The following PCDHA5 variants were observed in gnomAD, a reference collection of about 807,000 sequenced individuals.
The protein encoded by PCDHA5 is protocadherin alpha-5.
Under a neutral mutation model 61.6 loss-of-function variants are expected in PCDHA5, and 43 were observed. That is an observed-to-expected ratio of 0.70 (90% CI 0.55 to 0.90). PCDHA5 has a LOEUF of 0.90. PCDHA5 is among the 40% of genes least tolerant of loss of function. The pLI, the probability that PCDHA5 is intolerant of heterozygous loss-of-function variation, is 0.00. For missense variants in PCDHA5, 1,298 were observed against 1,222.7 expected (o/e 1.06, Z -0.92); for synonymous variants, 627 against 543.9 (o/e 1.15, Z -2.13).
At position 140,876,037 on chromosome 5, in the gene PCDHA5, A is replaced by G. The variant is rs1554168212; in HGVS notation, c.2352+51910A>G. On this transcript the variant is annotated intron_variant, in intron 1 of 3. Transcript: ENST00000529859. ...TAAAATAAAAACAAAAAAAGATAAA[A>G]GTATATTGCCTGAATTAGTTCTTCG... is the stretch of plus-strand genomic sequence containing the variant. 1.9e-6 allele frequency: 3 copies of G among 1,613,766 alleles called. No homozygotes were observed. Among genetic ancestry groups the G allele is most frequent in the South Asian group, 2.2e-5 (2 of 91,050 alleles).
In PCDHA5 at chr5:140,890,236, T is replaced by C. The variant is rs79211810; in HGVS notation, c.2352+66109T>C. 1.2e-3 allele frequency among the ~76,000 whole-genome samples: 183 copies of C among 152,244 alleles called. 1 individual carries two copies. Among genetic ancestry groups the C allele is most frequent in the African/African-American group, 4.0e-3 (168 of 41,532 alleles). ...CCCAGAGACCTAGTTGTTAAGCATT[T>C]ACCAGTACACTACTGCACCTGATTG... On this transcript the variant is annotated intron_variant, in intron 1 of 3. Transcript: ENST00000529859.
intron 1 of PCDHA5, chr5:140,870,675 C>T (rs1554164570): frequency 6.2e-7 from 1 of 1,612,672 alleles, no homozygotes. Flanking sequence ...CGTTGGACCA[C>T]GAGGAGCTGG....
chr5:140,862,612 A>G, intron 1 of PCDHA5: 1 of 522,286 alleles, frequency 1.9e-6, no homozygotes, highest in Admixed American at 2.0e-5. Context: ...CGTGAAAGGT[A>G]ACAACCCGCG....
chr5:140,849,023 G>C (rs2150428994), intron 1 of PCDHA5: 1 of 1,586,580 alleles, frequency 6.3e-7, no homozygotes, highest in East Asian at 2.2e-5. Flanking sequence ...GCCCCAATGA[G>C]TATTTCTTCC....
chr5:140,922,158 A>G (rs1318778340), intron 1 of PCDHA5, among the ~76,000 whole-genome samples: 1 of 149,104 alleles, frequency 6.7e-6, no homozygotes, highest in South Asian at 2.2e-4. Flanking sequence ...CATCAAAAAC[A>G]ACAAAAAGTA....
chr5:140,841,340 G>A lies in PCDHA5; in HGVS notation c.2352+17213G>A, dbSNP rs2150313851. On this transcript the variant is annotated intron_variant, in intron 1 of 3. Transcript: ENST00000529859. ...ATTTAACATGGATTATCACTGGCGA[G>A]GAGAGCTGGGATCCTGGCGACTACT... 11 of 1,611,670 alleles carry A rather than the reference G, an allele frequency of 6.8e-6. No individual in the cohort carries two copies. Among genetic ancestry groups the A allele is most frequent in the South Asian group, 5.5e-5 (5 of 90,928 alleles).
At position 140,857,142 on chromosome 5, in the gene PCDHA5, G is replaced by A. The variant is rs782455438; in HGVS notation, c.2352+33015G>A. On this transcript the variant is annotated intron_variant, in intron 1 of 3. Transcript: ENST00000529859. ...CCAGTGAAAGAAGATGCTCAAGTGGGCACCGTCATTGCCCTAATCAGCGTT... is the reference window on the plus strand; with the variant it reads ...CCAGTGAAAGAAGATGCTCAAGTGGACACCGTCATTGCCCTAATCAGCGTT... 4 of 1,598,268 alleles carry A rather than the reference G, an allele frequency of 2.5e-6. No homozygotes were observed. The highest frequency in any genetic ancestry group is 3.4e-5 in the Admixed American group (2 of 59,268).
In PCDHA5 at chr5:140,852,152, C is replaced by T. The variant is rs1163475400; in HGVS notation, c.2352+28025C>T. The T allele has an allele frequency of 5.8e-6, 5 of 861,034 alleles. 1 individual carries two copies. The highest frequency in any genetic ancestry group is 1.2e-3 in the Middle Eastern group (2 of 1,666). The allele number at this position is 861,034 out of a possible 1,614,324, so 53.3% of individuals were successfully genotyped here. ...CTCAGTAGAGAAAGATCAGAATGGC[C>T]TTGAGAATAGAGCCACAAAAATAAC... On this transcript the variant is annotated intron_variant, in intron 1 of 3. Transcript: ENST00000529859.
chr5:140,905,158 T>C (rs2071634583), intron 1 of PCDHA5, among the ~76,000 whole-genome samples: 1 of 152,256 alleles, frequency 6.6e-6, no homozygotes, highest in South Asian at 2.1e-4. Context: ...TTTAGAATTT[T>C]CATGGTTTCA....
chr5:140,931,838 C>G (rs572437091), intron 1 of PCDHA5, among the ~76,000 whole-genome samples: 4 of 151,894 alleles, frequency 2.6e-5, no homozygotes, highest in African/African-American at 9.6e-5. Context: ...ATCCTGAATG[C>G]CTTAATAACA....
chr5:140,822,480 T>C lies in PCDHA5; in HGVS notation c.705T>C (p.Asn235=). The part of the protein sequence containing the change: ...VQLLINVLDA[N]DNAPEFDKSI... Reference sequence around the variant, plus strand: ...TGTTGATCAATGTATTGGATGCTAATGATAACGCCCCAGAATTTGATAAAT... The same window carrying C: ...TGTTGATCAATGTATTGGATGCTAACGATAACGCCCCAGAATTTGATAAAT... The change falls in exon 1 of 4, where the codon AAT becomes AAC. Residue 235 remains asparagine, a synonymous_variant. Transcript: ENST00000529859. The C allele has an allele frequency of 6.2e-7, 1 of 1,613,872 alleles. No homozygotes were observed. The highest frequency in any genetic ancestry group is 1.3e-5 in the African/African-American group (1 of 75,070).
At chr5:140,827,914 G>C (rs1479544494) in intron 1 of PCDHA5, 1 of 863,992 alleles carries the variant, frequency 1.2e-6, no homozygotes, top group African/African-American at 1.7e-5. Flanking sequence ...GCATGATGTC[G>C]CTGTCTACCA....
intron 1 of PCDHA5, among the ~76,000 whole-genome samples, chr5:140,899,434 A>G (rs1583342387): frequency 6.6e-6 from 1 of 152,206 alleles, no homozygotes; most frequent in East Asian, 1.9e-4. Flanking sequence ...TCTTTTCTGC[A>G]TCTATTGAGA....
chr5:140,980,455 C>T (rs1412427414), intron 2 of PCDHA5, among the ~76,000 whole-genome samples: 1 of 152,086 alleles, frequency 6.6e-6, no homozygotes, highest in African/African-American at 2.4e-5. Context: ...CACGGTGAAA[C>T]CCTGTCTCTA....
At chr5:140,943,500 G>C (rs907493905) in intron 1 of PCDHA5, among the ~76,000 whole-genome samples, 1 of 152,048 alleles carries the variant, frequency 6.6e-6, no homozygotes, top group Admixed American at 6.6e-5. Context: ...TGCTATCAAG[G>C]TTCATGGAAA....
chr5:141,004,883 A>T (rs1273215928), intron 3 of PCDHA5, among the ~76,000 whole-genome samples: 4 of 152,132 alleles, frequency 2.6e-5, no homozygotes, highest in Admixed American at 2.0e-4. Flanking sequence ...CTAAAGTGCT[A>T]TTGTGTCAGC....
chr5:140,957,630 C>A (rs2095372065), intron 1 of PCDHA5, among the ~76,000 whole-genome samples: 1 of 152,000 alleles, frequency 6.6e-6, no homozygotes, highest in Non-Finnish European at 1.5e-5. Context: ...CACACACTTT[C>A]AGAAATGCAC....
intron 1 of PCDHA5, among the ~76,000 whole-genome samples, chr5:140,838,089 T>G (rs1418087315): frequency 1.6e-5 from 2 of 121,978 alleles, no homozygotes; most frequent in African/African-American, 6.2e-5. Context: ...TGTGTGTGTG[T>G]GTGTGTGTGT....
At chr5:140,900,941 C>T (rs1241522274) in intron 1 of PCDHA5, among the ~76,000 whole-genome samples, 1 of 152,140 alleles carries the variant, frequency 6.6e-6, no homozygotes, top group African/African-American at 2.4e-5. Flanking sequence ...TTTTGATTTG[C>T]ATTTCTCTGA....
Sources: gnomAD v4.1 joint callset for allele counts (sites outside exome capture counted in the v4.1 genomes callset) on GRCh38, gnomAD v4.1.1 for gene constraint, MANE v1.5 for transcripts, NCBI Gene and HGNC (gene_info 2026-07-23, HGNC 2026-07-21) for gene names.